Variants in SPAG16 observed in about 807,000 individuals in gnomAD.
SPAG16 encodes the protein sperm associated antigen 16, also known as sperm-associated antigen 16 protein.
Under a neutral mutation model 80.4 loss-of-function variants are expected in SPAG16, and 86 were observed. That is an observed-to-expected ratio of 1.07 (90% confidence interval 0.90 to 1.28). The LOEUF (loss-of-function observed/expected upper bound fraction) is 1.28, where lower values mean the gene tolerates loss of function less well. SPAG16 is among the 50% of genes most tolerant of loss of function. The probability of loss-of-function intolerance (pLI) is 0.00; values close to 1 mark genes in which losing one functional copy is unlikely to be tolerated. For missense variants in SPAG16, 870 were observed against 765.3 expected, an observed-to-expected ratio of 1.14 and a Z score of -1.61; for synonymous variants, 294 against 265.9, an observed-to-expected ratio of 1.11 and a Z score of -1.03.
intron 15 of SPAG16, among the ~76,000 whole-genome samples, chr2:214,246,032 G>A (rs1250157979): frequency 1.5e-4 from 23 of 152,000 alleles, no homozygotes; most frequent in Admixed American, 1.5e-3. Context: ...TTCCATACCT[G>A]GTAGTCATTT....
chr2:213,989,162 A>G (rs1199482395), intron 12 of SPAG16, among the ~76,000 whole-genome samples: 3 of 152,272 alleles, frequency 2.0e-5, no homozygotes, highest in Non-Finnish European at 4.4e-5. Context: ...CTAGGACAAT[A>G]AGAATGATTC....
At chr2:213,564,578 T>C (rs1055086579) in intron 10 of SPAG16, among the ~76,000 whole-genome samples, 2 of 152,098 alleles carry the variant, frequency 1.3e-5, no homozygotes, top group Admixed American at 1.3e-4. Flanking sequence ...TGAAATATTT[T>C]AAATGAAATT....
At chr2:213,946,178 C>T (rs558968427) in intron 12 of SPAG16, among the ~76,000 whole-genome samples, 1 of 151,938 alleles carries the variant, frequency 6.6e-6, no homozygotes, top group South Asian at 2.1e-4. Flanking sequence ...GCAGTGGTAC[C>T]ATCTTGGCTC....
intron 15 of SPAG16, among the ~76,000 whole-genome samples, chr2:214,181,004 A>G: frequency 6.6e-6 from 1 of 151,886 alleles, no homozygotes; most frequent in Middle Eastern, 3.4e-3. Flanking sequence ...TTTATTAAAG[A>G]TAGTTATTAT....
intron 15 of SPAG16, among the ~76,000 whole-genome samples, chr2:214,290,968 C>T (rs2125930261): frequency 1.3e-5 from 2 of 152,218 alleles, no homozygotes; most frequent in East Asian, 3.9e-4. Context: ...TTAACATTTT[C>T]CACTATTATT....
chr2:213,632,430 C>A (rs1401807428), intron 10 of SPAG16, among the ~76,000 whole-genome samples: 1 of 152,116 alleles, frequency 6.6e-6, no homozygotes, highest in Non-Finnish European at 1.5e-5. Flanking sequence ...GATAATTTGA[C>A]TTCTTCCTTT....
rs180860980 is a variant in SPAG16, at chr2:213,329,589, G to T, written c.537-10574G>T. Among the ~76,000 whole-genome samples the T allele has an allele frequency of 4.9e-4, 75 of 152,308 alleles. No individual in the cohort carries two copies. The East Asian group carries it at 0.013, about 27-fold the overall frequency. On this transcript the variant is annotated intron_variant, in intron 5 of 15. Transcript: ENST00000331683. ...ACTTGGGTGCTGTTAAAGGCATTCA[G>T]TTTCAAAAGGGAAACAGAGCATAAA... is the stretch of plus-strand genomic sequence containing the variant.
At chr2:214,358,295 T>C (rs940499905) in intron 15 of SPAG16, among the ~76,000 whole-genome samples, 1 of 151,830 alleles carries the variant, frequency 6.6e-6, no homozygotes, top group African/African-American at 2.4e-5. Flanking sequence ...GATCACTTGA[T>C]CCATTAAAGT....
At chr2:214,196,162 G>T (rs2057832068) in intron 15 of SPAG16, among the ~76,000 whole-genome samples, 1 of 152,014 alleles carries the variant, frequency 6.6e-6, no homozygotes, top group Middle Eastern at 3.2e-3. Flanking sequence ...CCTCGGGAAG[G>T]TGGAGATATA....
At chr2:213,979,423 T>C (rs912194405) in intron 12 of SPAG16, among the ~76,000 whole-genome samples, 1 of 152,044 alleles carries the variant, frequency 6.6e-6, no homozygotes, top group Admixed American at 6.6e-5. Context: ...GGGTAATTTA[T>C]AAAGGAAAGA....
intron 13 of SPAG16, among the ~76,000 whole-genome samples, chr2:214,028,793 G>A (rs2048264766): frequency 6.6e-6 from 1 of 152,010 alleles, no homozygotes; most frequent in Non-Finnish European, 1.5e-5. Context: ...TTGTGTGTGT[G>A]TGCACGCATG....
intron 15 of SPAG16, among the ~76,000 whole-genome samples, chr2:214,337,196 C>A (rs1169932346): frequency 6.6e-6 from 1 of 151,782 alleles, no homozygotes; most frequent in East Asian, 1.9e-4. Flanking sequence ...TAGTAAAGTT[C>A]TCTCACTGGA....
At chr2:214,294,762 T>G (rs1239275290) in intron 15 of SPAG16, among the ~76,000 whole-genome samples, 1 of 152,222 alleles carries the variant, frequency 6.6e-6, no homozygotes, top group Admixed American at 6.5e-5. Flanking sequence ...TGCTTTATGT[T>G]TATAGGTGTC....
chr2:213,431,422 A>G (rs908227424), intron 9 of SPAG16, among the ~76,000 whole-genome samples: 2 of 152,054 alleles, frequency 1.3e-5, no homozygotes. Flanking sequence ...AAGATATTCC[A>G]TGCAAACAGA....
intron 11 of SPAG16, among the ~76,000 whole-genome samples, chr2:213,922,474 C>T (rs4673793): frequency 0.59 from 88,936 of 151,870 alleles, 27,830 homozygotes; most frequent in South Asian, 0.84. Context: ...TTTGCTGTTT[C>T]CCTGTATCTT....
intron 15 of SPAG16, among the ~76,000 whole-genome samples, chr2:214,267,576 C>T (rs373817098): frequency 7.9e-5 from 12 of 151,774 alleles, no homozygotes; most frequent in African/African-American, 2.4e-4. Context: ...ATATCCATAA[C>T]ATTGACTGGT....
At chr2:213,804,058 T>C (rs953285921) in intron 10 of SPAG16, among the ~76,000 whole-genome samples, 84 of 152,322 alleles carry the variant, frequency 5.5e-4, no homozygotes, top group African/African-American at 2.0e-3. Flanking sequence ...TTTGTCAGTA[T>C]TGAATTACAA....
chr2:213,733,690 G>A (rs936766824), intron 10 of SPAG16, among the ~76,000 whole-genome samples: 1 of 151,944 alleles, frequency 6.6e-6, no homozygotes, highest in Non-Finnish European at 1.5e-5. Flanking sequence ...ACCATTTTGT[G>A]GTGTCCTCAT....
chr2:213,681,788 A>G (rs576121008), intron 10 of SPAG16, among the ~76,000 whole-genome samples: 2 of 152,302 alleles, frequency 1.3e-5, no homozygotes, highest in East Asian at 3.9e-4. Context: ...TTCATAAAAT[A>G]AAACTTTAAT....
Sources: allele counts gnomAD v4.1 joint callset (sites outside exome capture counted in the v4.1 genomes callset), GRCh38; gene constraint gnomAD v4.1.1; transcripts MANE v1.5; gene names NCBI Gene and HGNC (gene_info 2026-07-23, HGNC 2026-07-21).